The following XXYLT1 variants were observed in gnomAD, a reference collection of about 807,000 sequenced individuals.
XXYLT1 encodes UDP-xylose:alpha-xyloside alpha-1,3-xylosyltransferase.
XXYLT1 carries 20 observed loss-of-function variants against 28.9 expected under a neutral mutation model. That is an observed-to-expected ratio of 0.69 (90% CI 0.49 to 1.00). The LOEUF (loss-of-function observed/expected upper bound fraction) is 1.00, where lower values mean the gene tolerates loss of function less well. Ranked by LOEUF, XXYLT1 falls within the 50% of genes least tolerant of loss-of-function variation. XXYLT1 has a pLI of 0.00. For synonymous variants in XXYLT1, 257 were observed against 253.8 expected, an observed-to-expected ratio of 1.01 and a Z score of -0.12; for missense variants, 542 against 560.1, an observed-to-expected ratio of 0.97 and a Z score of 0.33.
intron 3 of XXYLT1, among the ~76,000 whole-genome samples, chr3:195,080,338 T>C (rs961398470): frequency 1.3e-5 from 2 of 152,296 alleles, no homozygotes; most frequent in East Asian, 3.9e-4. Flanking sequence ...CCTCCAGTAC[T>C]GGGGCTTGTA....
chr3:195,083,131 T>C lies in XXYLT1; in HGVS notation c.786-13020A>G, dbSNP rs1327946160. ...CCCAGCGTCTCTTCCTGAGTCACTA[T>C]ATTCCTTAAAAGATCCATGACCCTA... On this transcript the variant is annotated intron_variant, in intron 3 of 3. Transcript: ENST00000310380. 8.5e-5 allele frequency among the ~76,000 whole-genome samples: 13 copies of C among 152,336 alleles called. No homozygotes were observed. In the East Asian group the frequency reaches 2.5e-3, roughly 29 times the overall value.
chr3:195,266,220 G>C (rs1043128761), intron 1 of XXYLT1, among the ~76,000 whole-genome samples: 2 of 152,206 alleles, frequency 1.3e-5, no homozygotes, highest in African/African-American at 4.8e-5. Context: ...TTCTGGCCGG[G>C]TGCGGTGGCT....
intron 1 of XXYLT1, among the ~76,000 whole-genome samples, chr3:195,232,421 A>C (rs1044322787): frequency 2.0e-5 from 3 of 151,760 alleles, no homozygotes; most frequent in Admixed American, 6.6e-5. Context: ...CTTTTCTTCC[A>C]CTAACTTTGG....
rs112718736 is a variant in XXYLT1, at chr3:195,150,834, G to T, written c.785+5615C>A. ...CACATACACACACACTCACACATAC[G>T]CACACTCTCTCACACACTCTCACAC... On this transcript the variant is annotated intron_variant, in intron 3 of 3. Transcript: ENST00000310380. The surrounding 1 kb of genome is among the most constrained non-coding windows in gnomAD (Gnocchi z 4.7). Among the ~76,000 whole-genome samples the T allele has an allele frequency of 0.18, 23,805 of 130,254 alleles. 2,215 individuals are homozygous for T. The highest frequency in any genetic ancestry group is 0.48 in the East Asian group (2,017 of 4,220). The allele number at this position is 130,254 out of a possible 152,430, so 85.5% of individuals were successfully genotyped here.
In XXYLT1 at chr3:195,129,423, G is replaced by A. The variant is rs996324305; in HGVS notation, c.785+27026C>T. Among the ~76,000 whole-genome samples the A allele has an allele frequency of 1.3e-5, 2 of 152,098 alleles. No individual in the cohort carries two copies. The highest frequency in any genetic ancestry group is 4.8e-5 in the African/African-American group (2 of 41,400). ...CTCCCCCAAAACTCCTGGACCACCT[G>A]CCCCAGCCCCAAGCAACCATTTTTG... On this transcript the variant is annotated intron_variant, in intron 3 of 3. Coordinates refer to ENST00000310380, the MANE Select transcript of XXYLT1 (RefSeq NM_152531.5). This position sits in a 1 kb window ranked among gnomAD's most constrained non-coding sequence, Gnocchi z 4.4.
intron 1 of XXYLT1, among the ~76,000 whole-genome samples, chr3:195,244,850 C>CAA (rs137953417): frequency 5.2e-4 from 49 of 93,672 alleles, no homozygotes; most frequent in African/African-American, 1.1e-3. Flanking sequence ...GACTCTGTCT[C>CAA]AAAAAAAAAA....
At chr3:195,247,263 T>C (rs748228976) in intron 1 of XXYLT1, among the ~76,000 whole-genome samples, 11 of 151,986 alleles carry the variant, frequency 7.2e-5, no homozygotes, top group Non-Finnish European at 1.3e-4. Context: ...CTGAGGGTGG[T>C]CGGTCACAGT....
chr3:195,143,749 CCTTTT>C (rs1362980292), intron 3 of XXYLT1, among the ~76,000 whole-genome samples: 2 of 142,216 alleles, frequency 1.4e-5, no homozygotes, highest in East Asian at 2.1e-4. Context: ...TAGATGATCA[CCTTTT>C]CTTTTGAGAG....
chr3:195,234,126 C>A (rs1238914956), intron 1 of XXYLT1, among the ~76,000 whole-genome samples: 2 of 151,204 alleles, frequency 1.3e-5, no homozygotes, highest in Non-Finnish European at 2.9e-5. Flanking sequence ...ACCATGTTAG[C>A]CAGGATGGTC....
intron 2 of XXYLT1, among the ~76,000 whole-genome samples, chr3:195,174,306 CTT>C (rs1207559262): frequency 6.6e-6 from 1 of 152,138 alleles, no homozygotes; most frequent in Non-Finnish European, 1.5e-5. Context: ...GCAGCCTACT[CTT>C]TTTCTTCTTA....
In XXYLT1 at chr3:195,257,473, CG is replaced by C. The variant is rs958083640; in HGVS notation, c.504+13081del. On this transcript the variant is annotated intron_variant, in intron 1 of 3. Coordinates refer to ENST00000310380, the MANE Select transcript of XXYLT1 (RefSeq NM_152531.5). This position sits in a 1 kb window ranked among gnomAD's most constrained non-coding sequence, Gnocchi z 4.3. Reference sequence around the variant, plus strand: ...ACCGTCCGAGCTTCATCATGAAAGGCGAGTTAATCAGATGAAGATGGGAGGA... The same window carrying C: ...ACCGTCCGAGCTTCATCATGAAAGGCAGTTAATCAGATGAAGATGGGAGGA... 2.8e-4 allele frequency among the ~76,000 whole-genome samples: 43 copies of C among 152,262 alleles called. 1 individual carries two copies. Among genetic ancestry groups the C allele is most frequent in the African/African-American group, 1.0e-3 (42 of 41,550 alleles).
chr3:195,230,611 T>C (rs1202046885), intron 1 of XXYLT1, among the ~76,000 whole-genome samples: 3 of 152,232 alleles, frequency 2.0e-5, no homozygotes, highest in Admixed American at 6.5e-5. Flanking sequence ...TATCCAGTTT[T>C]CCCAGCTTCA....
intron 3 of XXYLT1, among the ~76,000 whole-genome samples, chr3:195,107,856 C>T (rs1717239370): frequency 6.6e-6 from 1 of 151,846 alleles, no homozygotes; most frequent in Non-Finnish European, 1.5e-5. Flanking sequence ...AAAATGGAGA[C>T]TCCCACGTGG....
At chr3:195,216,526 A>G (rs1298931950) in intron 2 of XXYLT1, among the ~76,000 whole-genome samples, 7 of 149,124 alleles carry the variant, frequency 4.7e-5, no homozygotes, top group Admixed American at 4.7e-4. Flanking sequence ...AGGGAATACT[A>G]CAAACACCTC....
chr3:195,202,417 A>C (rs1037281895), intron 2 of XXYLT1, among the ~76,000 whole-genome samples: 1 of 152,118 alleles, frequency 6.6e-6, no homozygotes, highest in Non-Finnish European at 1.5e-5. Flanking sequence ...AAAAAAAAAA[A>C]AAAAAACTGA....
chr3:195,110,137 G>T lies in XXYLT1; in HGVS notation c.786-40026C>A, dbSNP rs1261900585. Among the ~76,000 whole-genome samples, 3 of 44,678 alleles carry T rather than the reference G, an allele frequency of 6.7e-5. 1 individual carries two copies. The highest frequency in any genetic ancestry group is 2.5e-4 in the African/African-American group (3 of 12,186). The allele number at this position is 44,678 out of a possible 152,430, so 29.3% of individuals were successfully genotyped here. ...TGCATGTGTGGTGTGTGTGTGTGTG[G>T]TGTGTGTGGTGTCTGTGTGTTGTGT... On this transcript the variant is annotated intron_variant, in intron 3 of 3. Transcript: ENST00000310380.
intron 2 of XXYLT1, among the ~76,000 whole-genome samples, chr3:195,194,550 T>G (rs1722548014): frequency 6.6e-6 from 1 of 152,110 alleles, no homozygotes; most frequent in African/African-American, 2.4e-5. Context: ...GACCCAGCAA[T>G]TCTACTCCTA....
chr3:195,220,034 A>G (rs1723751946), intron 2 of XXYLT1, among the ~76,000 whole-genome samples: 1 of 152,198 alleles, frequency 6.6e-6, no homozygotes, highest in Non-Finnish European at 1.5e-5. Flanking sequence ...GATGGTGGCA[A>G]TAATCACATG....
At chr3:195,262,988 T>G (rs1725739543) in intron 1 of XXYLT1, among the ~76,000 whole-genome samples, 1 of 149,920 alleles carries the variant, frequency 6.7e-6, no homozygotes, top group Non-Finnish European at 1.5e-5. Context: ...TTCCAGACCA[T>G]CATCAAAAGT....
Sources: allele counts gnomAD v4.1 joint callset (sites outside exome capture counted in the v4.1 genomes callset), GRCh38; gene constraint gnomAD v4.1.1; non-coding constraint Gnocchi (gnomAD v3.1); transcripts MANE v1.5; gene names NCBI Gene and HGNC (gene_info 2026-07-23, HGNC 2026-07-21).